Variants in SLC4A8 observed in about 807,000 individuals in gnomAD.
SLC4A8 encodes solute carrier family 4 member 8.
Under a neutral mutation model 125.0 loss-of-function variants are expected in SLC4A8, and 40 were observed. The observed-to-expected ratio is 0.32, with a 90% CI of 0.25 to 0.42. SLC4A8 has a LOEUF of 0.42. Among genes scored for constraint, SLC4A8 ranks in the 10% least tolerant of loss-of-function variants. The pLI, the probability that SLC4A8 is intolerant of heterozygous loss-of-function variation, is 1.00. For synonymous variants in SLC4A8, 456 were observed against 476.0 expected (o/e 0.96, Z 0.55); for missense variants, 863 against 1,355.1 (o/e 0.64, Z 5.70).
chr12:51,506,962 T>TA (rs574831239), intron 24 of SLC4A8, among the ~76,000 whole-genome samples: 31 of 145,498 alleles, frequency 2.1e-4, no homozygotes, highest in East Asian at 5.9e-4. Flanking sequence ...CTTTTCTAGT[T>TA]AAAAAAAAAA....
In SLC4A8 at chr12:51,451,026, A is replaced by G; in HGVS notation, c.277+4A>G. 6.7e-7 allele frequency: 1 copy of G among 1,503,370 alleles called. No homozygotes were observed. Among genetic ancestry groups the G allele is most frequent in the Non-Finnish European group, 8.9e-7 (1 of 1,124,630 alleles). The allele number at this position is 1,503,370 out of a possible 1,614,324, so 93.1% of individuals were successfully genotyped here. ...GGCCTGGAAGCCCTGGCCCACGGTA[A>G]GGGCCTTGGGAGACAGGGCGGGTGT... is the stretch of plus-strand genomic sequence containing the variant. On this transcript the variant is annotated splice_donor_region_variant and intron_variant, in intron 3 of 24. Transcript: ENST00000453097.
At chr12:51,464,900 T>C (rs1419402317) in intron 11 of SLC4A8, among the ~76,000 whole-genome samples, 2 of 152,182 alleles carry the variant, frequency 1.3e-5, no homozygotes, top group Non-Finnish European at 2.9e-5. Flanking sequence ...AGCAGTGTCC[T>C]GCAGAGAAGC....
chr12:51,463,619 A>ATTCC lies in SLC4A8; in HGVS notation c.1254_1255insTTCC (p.Arg419PhefsTer88). ...TTGTGGTCTTCTGTTAAAAGGAGAA[A>ATTCC]AGGAAAATGCCTGGAGTTCCAAATG... is the stretch of plus-strand genomic sequence containing the variant. On this transcript the variant is annotated frameshift_variant, in exon 11 of 25. Transcript: ENST00000453097. LOFTEE classifies it high-confidence loss of function. 6.2e-7 allele frequency: 1 copy of ATTCC among 1,612,932 alleles called. No homozygotes were observed. The highest frequency in any genetic ancestry group is 1.1e-5 in the South Asian group (1 of 91,048).
intron 1 of SLC4A8, among the ~76,000 whole-genome samples, chr12:51,411,665 A>G (rs1163689482): frequency 1.3e-5 from 2 of 151,920 alleles, no homozygotes; most frequent in Non-Finnish European, 2.9e-5. Context: ...TAATTCATTT[A>G]TTTTCATTTT....
intron 2 of SLC4A8, among the ~76,000 whole-genome samples, chr12:51,444,915 T>A (rs559269021): frequency 3.9e-5 from 6 of 152,304 alleles, no homozygotes; most frequent in African/African-American, 1.4e-4. Context: ...ACTAGCAGTA[T>A]ACCAGCATGA....
At chr12:51,421,774 A>G (rs1417983632), upstream of SLC4A8, among the ~76,000 whole-genome samples, 1 of 152,184 alleles carries the variant, frequency 6.6e-6, no homozygotes, top group Non-Finnish European at 1.5e-5. Flanking sequence ...GAGATGGTAC[A>G]ATTTTTATAG....
At chr12:51,488,642 T>C (rs1951222860) in intron 17 of SLC4A8, 57 bp from the exon 18 acceptor site, 2 of 1,319,296 alleles carry the variant, frequency 1.5e-6, no homozygotes. Flanking sequence ...CAGTTTGATA[T>C]GTTTTACCCC....
Position 51,434,828 on chromosome 12 carries a change from T to C in SLC4A8, c.49-5880T>C, listed in dbSNP as rs1171373129. On this transcript the variant is annotated intron_variant, in intron 1 of 24. Transcript: ENST00000453097. ...CAGTAGGGGAGCCAACATGAATAAT[T>C]ATTCATATATCTAATTATTTATTTA... Among the ~76,000 whole-genome samples, 7 of 152,190 alleles carry C rather than the reference T, an allele frequency of 4.6e-5. 1 individual carries two copies. The highest frequency in any genetic ancestry group is 1.0e-4 in the Non-Finnish European group (7 of 68,044).
At chr12:51,489,445 G>A (rs1951247358) in intron 18 of SLC4A8, among the ~76,000 whole-genome samples, 1 of 152,180 alleles carries the variant, frequency 6.6e-6, no homozygotes, top group Admixed American at 6.5e-5. Flanking sequence ...CTTTGAATGT[G>A]TAAGACTCAG....
At chr12:51,422,498 G>A (rs966348181), upstream of SLC4A8, among the ~76,000 whole-genome samples, 2 of 152,154 alleles carry the variant, frequency 1.3e-5, no homozygotes, top group Admixed American at 1.3e-4. Context: ...GGGACTGCAG[G>A]TGCATGCCAC....
intron 1 of SLC4A8, among the ~76,000 whole-genome samples, chr12:51,419,361 A>G (rs1399468282): frequency 2.0e-5 from 3 of 152,382 alleles, no homozygotes; most frequent in Non-Finnish European, 2.9e-5. Flanking sequence ...CCTACTTAGT[A>G]TAATACTTAG....
intron 2 of SLC4A8, among the ~76,000 whole-genome samples, chr12:51,444,359 C>T (rs7979330): frequency 0.48 from 73,600 of 151,974 alleles, 18,136 homozygotes; most frequent in Non-Finnish European, 0.53. Context: ...TTCTGACAGC[C>T]GCTTGGTCCT....
chr12:51,510,530 T>C lies in SLC4A8; in HGVS notation c.*3092T>C, dbSNP rs1409514817. 6.6e-6 allele frequency: 1 copy of C among 152,040 alleles called. No homozygotes were observed. Among genetic ancestry groups the C allele is most frequent in the Non-Finnish European group, 1.5e-5 (1 of 68,030 alleles). 9.4% of individuals were successfully genotyped at this position (152,040 alleles called of 1,614,324 possible). A position where few individuals can be genotyped will look rare whatever the true frequency, so the allele number is the denominator to read the frequency against. On this transcript the variant is annotated 3_prime_UTR_variant, in exon 25 of 25. Coordinates refer to ENST00000453097, the MANE Select transcript of SLC4A8 (RefSeq NM_001039960.3). ...AGTTTCTCGACCTTTCCATCAAGGA[T>C]CTTGAATTTTTTCTCAATTATGCTT...
chr12:51,481,759 A>G (rs1951033285), intron 16 of SLC4A8, among the ~76,000 whole-genome samples: 1 of 151,956 alleles, frequency 6.6e-6, no homozygotes, highest in African/African-American at 2.4e-5. Context: ...CCTGGGCAAC[A>G]TGGCAAAACC....
chr12:51,463,020 G>T (rs1040288655), intron 10 of SLC4A8: 1 of 152,704 alleles, frequency 6.5e-6, no homozygotes, highest in Non-Finnish European at 1.5e-5. Context: ...AGAGAGAAGG[G>T]AGAACATTTC....
At position 51,507,402 on chromosome 12, in the gene SLC4A8, T is replaced by A. The variant is rs368197689; in HGVS notation, c.3270-24T>A. 247 of 1,368,476 alleles carry A rather than the reference T, an allele frequency of 1.8e-4. 1 individual carries two copies. The Middle Eastern group carries it at 3.9e-3, about 21-fold the overall frequency. 84.8% of individuals were successfully genotyped at this position (1,368,476 alleles called of 1,614,324 possible). A position where few individuals can be genotyped will look rare whatever the true frequency, so the allele number is the denominator to read the frequency against. On this transcript the variant is annotated intron_variant, in intron 24 of 24. Transcript: ENST00000453097. ...GAATGAATCATATGTTCCCTTTTTG[T>A]CTAATTGTAACACTTTTATTCAGTC...
intron 22 of SLC4A8, among the ~76,000 whole-genome samples, chr12:51,502,805 G>T (rs967077081): frequency 1.3e-5 from 2 of 150,006 alleles, no homozygotes; most frequent in Admixed American, 1.3e-4. Context: ...CTAGTAGCTG[G>T]AACTACAGGC....
chr12:51,417,613 G>A (rs889533049), intron 1 of SLC4A8, among the ~76,000 whole-genome samples: 4 of 152,064 alleles, frequency 2.6e-5, no homozygotes, highest in African/African-American at 4.8e-5. Flanking sequence ...CACCTCCCGG[G>A]TTCAAGCGAT....
chr12:51,451,025 A>G lies in SLC4A8; in HGVS notation c.277+3A>G. ...AGGCCTGGAAGCCCTGGCCCACGGT[A>G]AGGGCCTTGGGAGACAGGGCGGGTG... On this transcript the variant is annotated splice_donor_region_variant and intron_variant, in intron 3 of 24. Coordinates refer to ENST00000453097, the MANE Select transcript of SLC4A8 (RefSeq NM_001039960.3). 6.6e-7 allele frequency: 1 copy of G among 1,504,722 alleles called. No homozygotes were observed. The highest frequency in any genetic ancestry group is 8.9e-7 in the Non-Finnish European group (1 of 1,125,214). The allele number at this position is 1,504,722 out of a possible 1,614,324, so 93.2% of individuals were successfully genotyped here.
Sources: gnomAD v4.1 joint callset for allele counts (sites outside exome capture counted in the v4.1 genomes callset) on GRCh38, gnomAD v4.1.1 for gene constraint, MANE v1.5 for transcripts, NCBI Gene and HGNC (gene_info 2026-07-23, HGNC 2026-07-21) for gene names.